The following NAA11 variants were observed in gnomAD, a reference collection of about 807,000 sequenced individuals.
NAA11 encodes the protein N-alpha-acetyltransferase 11, NatA catalytic subunit, also known as N-alpha-acetyltransferase 11.
In NAA11, 15 loss-of-function variants were observed where a neutral mutation model predicts 16.1. The ratio of observed to expected loss-of-function variants is 0.93; its 90% CI spans 0.62 to 1.44. The LOEUF is 1.44. NAA11 is among the 40% of genes most tolerant of loss of function. NAA11 has a pLI of 0.00. For synonymous variants in NAA11, 122 were observed against 112.4 expected, an observed-to-expected ratio of 1.09 and a Z score of -0.54; for missense variants, 298 against 291.3, an observed-to-expected ratio of 1.02 and a Z score of -0.17.
chr4:79,185,910 C>T, the NAA11 span, among the ~76,000 whole-genome samples: 3 of 151,828 alleles, frequency 2.0e-5, no homozygotes, highest in East Asian at 1.9e-4. Context: ...CTAGTTCACA[C>T]GAAGTGTTTG....
At chr4:79,283,089 T>C (rs1048365187) in intron 2 of NAA11, among the ~76,000 whole-genome samples, 1 of 152,058 alleles carries the variant, frequency 6.6e-6, no homozygotes, top group Non-Finnish European at 1.5e-5. Flanking sequence ...TGTGGAAACA[T>C]GCAAATCATT....
chr4:79,247,786 G>A (rs1302873430), intron 2 of NAA11, among the ~76,000 whole-genome samples: 1 of 152,136 alleles, frequency 6.6e-6, no homozygotes, highest in Non-Finnish European at 1.5e-5. Flanking sequence ...GAGTTAAGCA[G>A]GTGTGGAGCA....
the NAA11 span, among the ~76,000 whole-genome samples, chr4:79,210,145 T>G: frequency 1.3e-5 from 2 of 152,150 alleles, no homozygotes; most frequent in South Asian, 4.2e-4. Context: ...TTCACTCGGG[T>G]GCGAGTGGGC....
chr4:79,323,883 G>A (rs1724177361), intron 1 of NAA11, among the ~76,000 whole-genome samples: 6 of 151,868 alleles, frequency 4.0e-5, no homozygotes, highest in Admixed American at 3.9e-4. Context: ...GGCGCCTGTA[G>A]TCCCAGTTAC....
chr4:79,156,062 C>T, the NAA11 span, among the ~76,000 whole-genome samples: 45 of 152,176 alleles, frequency 3.0e-4, no homozygotes, highest in Non-Finnish European at 4.4e-4. Context: ...TCCAGAGTGC[C>T]CTGGATGTAC....
the NAA11 span, among the ~76,000 whole-genome samples, chr4:79,158,434 A>AT: frequency 6.6e-6 from 1 of 152,108 alleles, no homozygotes; most frequent in Non-Finnish European, 1.5e-5. Flanking sequence ...AAGGAAAACT[A>AT]CAAAACACTG....
intron 2 of NAA11, among the ~76,000 whole-genome samples, chr4:79,246,376 C>CAAAAAAAAAAAAAAAAA (rs1560420199): frequency 8.8e-6 from 1 of 114,190 alleles, no homozygotes. Context: ...TCAATAAATA[C>CAAAAAAAAAAAAAAAAA]TAAAAAAAAA....
chr4:79,197,179 C>T, the NAA11 span, among the ~76,000 whole-genome samples: 1 of 151,620 alleles, frequency 6.6e-6, no homozygotes, highest in African/African-American at 2.4e-5. Flanking sequence ...TACTTAAGTC[C>T]AAACAAGGTT....
At chr4:79,310,497 A>C (rs1440667140) in intron 1 of NAA11, among the ~76,000 whole-genome samples, 1 of 152,214 alleles carries the variant, frequency 6.6e-6, no homozygotes, top group East Asian at 1.9e-4. Flanking sequence ...CTGGAAGAAA[A>C]ATGCAGAAAA....
At chr4:79,161,253 G>A in the NAA11 span, among the ~76,000 whole-genome samples, 1 of 152,124 alleles carries the variant, frequency 6.6e-6, no homozygotes, top group Non-Finnish European at 1.5e-5. Context: ...TTGGCTCACT[G>A]CAACCTCCAC....
the NAA11 span, among the ~76,000 whole-genome samples, chr4:79,185,696 C>T: frequency 1.3e-5 from 2 of 152,268 alleles, no homozygotes; most frequent in South Asian, 2.1e-4. Context: ...GGTATTCTCT[C>T]CCCACCCCAT....
At chr4:79,305,958 T>C (rs1473114756) in intron 1 of NAA11, among the ~76,000 whole-genome samples, 1 of 152,208 alleles carries the variant, frequency 6.6e-6, no homozygotes, top group Admixed American at 6.5e-5. Flanking sequence ...AAAACAGATG[T>C]TTCCCTGAGG....
chr4:79,220,046 A>G, the NAA11 span, among the ~76,000 whole-genome samples: 1 of 152,208 alleles, frequency 6.6e-6, no homozygotes, highest in African/African-American at 2.4e-5. Flanking sequence ...CAAGAAGCCT[A>G]GGAGTAAGAT....
intron 1 of NAA11, among the ~76,000 whole-genome samples, chr4:79,320,796 T>G (rs1236568057): frequency 3.3e-5 from 5 of 152,202 alleles, no homozygotes. Flanking sequence ...AATATTTTTT[T>G]TAGGACATTT....
the NAA11 span, among the ~76,000 whole-genome samples, chr4:79,201,430 T>G: frequency 6.6e-6 from 1 of 151,840 alleles, no homozygotes; most frequent in Non-Finnish European, 1.5e-5. Flanking sequence ...CATAGAATCT[T>G]GTTTTAATTT....
chr4:79,197,953 G>C, the NAA11 span, among the ~76,000 whole-genome samples: 7 of 146,968 alleles, frequency 4.8e-5, no homozygotes, highest in African/African-American at 1.7e-4. Flanking sequence ...AAGGTTATGC[G>C]AGGTAAGTAA....
the NAA11 span, among the ~76,000 whole-genome samples, chr4:79,179,937 G>C: frequency 2.0e-5 from 3 of 152,136 alleles, no homozygotes; most frequent in African/African-American, 7.2e-5. Context: ...TCACAAGGTC[G>C]CAGGAGGAAG....
At position 79,238,997 on chromosome 4, in the gene NAA11, G is replaced by T. The variant is rs566934299; in HGVS notation, c.*123-12727C>A. 3.0e-4 allele frequency among the ~76,000 whole-genome samples: 46 copies of T among 152,282 alleles called. No homozygotes were observed. The South Asian group carries it at 8.9e-3, about 29-fold the overall frequency. On this transcript the variant is annotated intron_variant and NMD_transcript_variant, in intron 2 of 2. Coordinates refer to the NAA11 transcript ENST00000511542. ...GAGTTGGACAGGAGCTGGTAAATTT[G>T]CTGTGATTTCTTCCATGGCAGGAGC... is the stretch of plus-strand genomic sequence containing the variant.
intron 2 of NAA11, among the ~76,000 whole-genome samples, chr4:79,258,213 A>C (rs1477442408): frequency 2.0e-5 from 3 of 152,244 alleles, no homozygotes; most frequent in African/African-American, 2.4e-5. Context: ...TCCTGGACAT[A>C]GCTGCAGCCT....
Sources: gnomAD v4.1 joint callset for allele counts (sites outside exome capture counted in the v4.1 genomes callset) on GRCh38, gnomAD v4.1.1 for gene constraint, MANE v1.5 for transcripts, NCBI Gene and HGNC (gene_info 2026-07-23, HGNC 2026-07-21) for gene names.